The following ERG variants were observed in gnomAD, a reference collection of about 807,000 sequenced individuals.
ERG encodes the protein ETS transcription factor ERG.
Under a neutral mutation model 55.3 loss-of-function variants are expected in ERG, and 9 were observed. The ratio of observed to expected loss-of-function variants is 0.16; its 90% CI spans 0.10 to 0.28. ERG has a LOEUF of 0.28. ERG is among the 10% of genes least tolerant of loss of function. The pLI is 1.00. For synonymous variants in ERG, 223 were observed against 237.3 expected, an observed-to-expected ratio of 0.94 and a Z score of 0.55; for missense variants, 434 against 631.6, an observed-to-expected ratio of 0.69 and a Z score of 3.35.
Position 38,396,399 on chromosome 21 carries a change from G to A in ERG, c.746-3955C>T, listed in dbSNP as rs566380188. 7.9e-5 allele frequency among the ~76,000 whole-genome samples: 12 copies of A among 152,354 alleles called. No individual in the cohort carries two copies. In the East Asian group the frequency reaches 1.3e-3, roughly 17 times the overall value. ...CAGGCTTTACATAACACCTAACTGA[G>A]AGATGCTATGCAGTAGTTGTATTGT... On this transcript the variant is annotated intron_variant, in intron 6 of 9. Transcript: ENST00000288319.
At chr21:38,487,944 T>C (rs758529205) in intron 1 of ERG, among the ~76,000 whole-genome samples, 4 of 152,220 alleles carry the variant, frequency 2.6e-5, no homozygotes, top group Non-Finnish European at 5.9e-5. Flanking sequence ...ATAAAATCAC[T>C]AGAATATATT....
intron 1 of ERG, among the ~76,000 whole-genome samples, chr21:38,493,087 G>A (rs2059349882): frequency 6.6e-6 from 1 of 151,956 alleles, no homozygotes; most frequent in Non-Finnish European, 1.5e-5. Context: ...TTTTTAAATT[G>A]GCAAATATTT....
intron 1 of ERG, among the ~76,000 whole-genome samples, chr21:38,464,421 C>T (rs1191642329): frequency 6.6e-6 from 1 of 152,214 alleles, no homozygotes; most frequent in Non-Finnish European, 1.5e-5. Context: ...AAACATCAGA[C>T]ACACTGTGGA....
intron 1 of ERG, among the ~76,000 whole-genome samples, chr21:38,610,643 A>G (rs2146927796): frequency 6.6e-6 from 1 of 152,376 alleles, no homozygotes; most frequent in African/African-American, 2.4e-5. Flanking sequence ...ACCAGTGCTT[A>G]AAGACAATGA....
downstream of ERG, among the ~76,000 whole-genome samples, chr21:38,377,562 G>T (rs943562355): frequency 6.6e-6 from 1 of 152,220 alleles, no homozygotes; most frequent in South Asian, 2.1e-4. Context: ...ATTAATAAGA[G>T]AACTTACTTA....
intron 1 of ERG, among the ~76,000 whole-genome samples, chr21:38,650,779 T>C (rs939516081): frequency 1.6e-4 from 24 of 152,244 alleles, no homozygotes; most frequent in African/African-American, 5.5e-4. Context: ...CAGAAGACTT[T>C]TCCATAAGCT....
rs540370673 is a variant in ERG at position 38,416,847 on chromosome 21, G to A, written c.388+6563C>T. 2.1e-4 allele frequency among the ~76,000 whole-genome samples: 32 copies of A among 152,338 alleles called. No homozygotes were observed. The East Asian group carries it at 5.2e-3, about 25-fold the overall frequency. On this transcript the variant is annotated intron_variant, in intron 3 of 9. Coordinates refer to ENST00000288319, the MANE Select transcript of ERG (RefSeq NM_182918.4). ...GCAAGAGCATTCCAGAGAGGGAACC[G>A]CAGGGACAAGGACACCGGGTGGTGA...
chr21:38,449,786 T>C (rs916599757), intron 1 of ERG, among the ~76,000 whole-genome samples: 3 of 152,202 alleles, frequency 2.0e-5, no homozygotes, highest in East Asian at 3.9e-4. Flanking sequence ...AAATATTACA[T>C]TGTTAATACA....
intron 5 of ERG, among the ~76,000 whole-genome samples, chr21:38,401,748 G>C (rs552610411): frequency 2.0e-5 from 3 of 152,120 alleles, no homozygotes; most frequent in Non-Finnish European, 4.4e-5. Flanking sequence ...CCATGCTTCC[G>C]GAACTCTCTC....
chr21:38,401,505 A>G (rs1360612969), intron 5 of ERG, among the ~76,000 whole-genome samples: 1 of 152,244 alleles, frequency 6.6e-6, no homozygotes, highest in Non-Finnish European at 1.5e-5. Context: ...TTGAATATAG[A>G]AGACCATGAT....
intron 2 of ERG, among the ~76,000 whole-genome samples, chr21:38,538,933 G>A (rs1016433041): frequency 2.0e-5 from 3 of 152,014 alleles, no homozygotes; most frequent in African/African-American, 4.8e-5. Context: ...ACTGCCCAGG[G>A]CCTGTCCAAG....
In ERG at chr21:38,381,268, T is replaced by C; in HGVS notation, c.*2135A>G. 1 of 1,065,464 alleles carries C rather than the reference T, an allele frequency of 9.4e-7. No individual in the cohort carries two copies. The highest frequency in any genetic ancestry group is 1.1e-6 in the Non-Finnish European group (1 of 879,342). 66.0% of individuals were successfully genotyped at this position (1,065,464 alleles called of 1,614,324 possible). A position where few individuals can be genotyped will look rare whatever the true frequency, so the allele number is the denominator to read the frequency against. On this transcript the variant is annotated 3_prime_UTR_variant, in exon 10 of 10. Transcript: ENST00000288319. Reference sequence around the variant, plus strand: ...GGGCCAGTTCAGAAACCTATTCAGCTAAGATGTTTCGGCTAGCGCCTTCGC... The same window carrying C: ...GGGCCAGTTCAGAAACCTATTCAGCCAAGATGTTTCGGCTAGCGCCTTCGC...
intron 2 of ERG, among the ~76,000 whole-genome samples, chr21:38,424,718 C>T (rs1989738985): frequency 6.6e-6 from 1 of 152,164 alleles, no homozygotes; most frequent in South Asian, 2.1e-4. Flanking sequence ...ATTTCAAATC[C>T]CTGCAGCCAA....
chr21:38,500,534 C>T (rs2059413323), upstream of ERG, among the ~76,000 whole-genome samples: 1 of 152,172 alleles, frequency 6.6e-6, no homozygotes, highest in South Asian at 2.1e-4. Flanking sequence ...ATACCCTTTG[C>T]CTGGTTAACT....
intron 1 of ERG, among the ~76,000 whole-genome samples, chr21:38,642,129 C>A (rs919353596): frequency 1.3e-5 from 2 of 152,170 alleles, no homozygotes; most frequent in Non-Finnish European, 2.9e-5. Flanking sequence ...ATTAAGCATA[C>A]CTATGAACAT....
At chr21:38,531,902 A>G (rs1490874516) in intron 2 of ERG, among the ~76,000 whole-genome samples, 1 of 152,210 alleles carries the variant, frequency 6.6e-6, no homozygotes, top group Non-Finnish European at 1.5e-5. Flanking sequence ...CAGGCCAGGA[A>G]AAGCTTCACA....
At chr21:38,424,817 G>A (rs143953179) in intron 2 of ERG, among the ~76,000 whole-genome samples, 76 of 152,258 alleles carry the variant, frequency 5.0e-4, no homozygotes, top group African/African-American at 1.8e-3. Flanking sequence ...TGACGCTAGG[G>A]GAGGCCTCAT....
chr21:38,388,792 TCTC>T (rs1987828157), intron 9 of ERG, among the ~76,000 whole-genome samples: 1 of 152,154 alleles, frequency 6.6e-6, no homozygotes, highest in South Asian at 2.1e-4. Flanking sequence ...GAGTTTCCGG[TCTC>T]CTTGCTCTGA....
intron 1 of ERG, among the ~76,000 whole-genome samples, chr21:38,592,068 C>T (rs2060103728): frequency 6.6e-6 from 1 of 152,190 alleles, no homozygotes; most frequent in African/African-American, 2.4e-5. Flanking sequence ...TCAGTTCTGG[C>T]AGGAAGGTGG....
Sources: gnomAD v4.1 joint callset for allele counts (sites outside exome capture counted in the v4.1 genomes callset) on GRCh38, gnomAD v4.1.1 for gene constraint, MANE v1.5 for transcripts, NCBI Gene and HGNC (gene_info 2026-07-23, HGNC 2026-07-21) for gene names.